The following SP140L variants were observed in gnomAD, a reference collection of about 807,000 sequenced individuals.
SP140L encodes the protein nuclear body protein SP140-like protein.
Under a neutral mutation model 84.3 loss-of-function variants are expected in SP140L, and 64 were observed. That is an observed-to-expected ratio of 0.76 (90% CI 0.62 to 0.94). SP140L has a LOEUF of 0.94. Ranked by LOEUF, SP140L falls within the 40% of genes least tolerant of loss-of-function variation. SP140L has a pLI of 0.00. For synonymous variants in SP140L, 242 were observed against 236.9 expected (o/e 1.02, Z -0.20); for missense variants, 628 against 692.5 (o/e 0.91, Z 1.05).
intron 2 of SP140L, among the ~76,000 whole-genome samples, chr2:230,348,812 T>A (rs956709844): frequency 6.6e-5 from 10 of 152,250 alleles, no homozygotes; most frequent in African/African-American, 2.4e-4. Context: ...AAGATTTTTG[T>A]CTTTATTTTC....
intron 5 of SP140L, among the ~76,000 whole-genome samples, chr2:230,367,374 C>G (rs561730141): frequency 7.7e-5 from 11 of 142,836 alleles, no homozygotes; most frequent in African/African-American, 2.6e-4. Context: ...CTCACTGTAG[C>G]CTTGATCTCC....
chr2:230,355,894 T>G (rs1474319020), intron 2 of SP140L, among the ~76,000 whole-genome samples: 1 of 152,096 alleles, frequency 6.6e-6, no homozygotes, highest in African/African-American at 2.4e-5. Flanking sequence ...AGCTACAGAC[T>G]GGGTGAAAAT....
intron 12 of SP140L, among the ~76,000 whole-genome samples, chr2:230,392,814 G>A (rs1484563180): frequency 6.6e-6 from 1 of 152,158 alleles, no homozygotes; most frequent in Non-Finnish European, 1.5e-5. Context: ...TGCCTTCACT[G>A]TCTCCCCTGC....
rs551226693 is a variant in SP140L, at chr2:230,332,777, T to G, written c.107+3946T>G. On this transcript the variant is annotated intron_variant, in intron 2 of 18. Transcript: ENST00000415673. Reference sequence around the variant, plus strand: ...AGGACAGTGAGGCACATTGTGTAACTTATCAATTCCGTTTTATTTTCTTGG... The same window carrying G: ...AGGACAGTGAGGCACATTGTGTAACGTATCAATTCCGTTTTATTTTCTTGG... 1.2e-4 allele frequency among the ~76,000 whole-genome samples: 18 copies of G among 152,348 alleles called. No individual in the cohort carries two copies. The South Asian group carries it at 3.5e-3, about 30-fold the overall frequency.
intron 12 of SP140L, 55 bp downstream of exon 12, chr2:230,392,284 T>C: frequency 6.3e-7 from 1 of 1,596,880 alleles, no homozygotes; most frequent in Admixed American, 1.7e-5. Context: ...TCCCTAATAA[T>C]GAGGAGACTG....
Position 230,367,871 on chromosome 2 carries a change from G to A in SP140L, c.524-3037G>A, listed in dbSNP as rs1223200422. Among the ~76,000 whole-genome samples, 3 of 152,232 alleles carry A rather than the reference G, an allele frequency of 2.0e-5. No homozygotes were observed. The South Asian group carries it at 6.2e-4, about 31-fold the overall frequency. ...CGCTTGAACCAGGGAGCTGGAGGTT[G>A]CTGTGAGCTGAGATCACACCACTGC... On this transcript the variant is annotated intron_variant, in intron 5 of 18. Coordinates refer to ENST00000415673, the MANE Select transcript of SP140L (RefSeq NM_138402.6).
chr2:230,372,268 G>A (rs912280043), intron 7 of SP140L: 1 of 152,972 alleles, frequency 6.5e-6, no homozygotes, highest in African/African-American at 2.4e-5. Context: ...ACTTGGCAGT[G>A]GGGTGTGGCT....
intron 8 of SP140L, among the ~76,000 whole-genome samples, chr2:230,383,926 T>A (rs73112318): frequency 6.6e-4 from 100 of 152,198 alleles, no homozygotes; most frequent in Admixed American, 6.5e-3. Context: ...AACTGTAAAA[T>A]ATATATATAC....
chr2:230,331,054 A>C (rs916817806), intron 2 of SP140L, among the ~76,000 whole-genome samples: 1 of 152,172 alleles, frequency 6.6e-6, no homozygotes, highest in African/African-American at 2.4e-5. Context: ...CCCAAAGCAC[A>C]TGAGGATTGA....
At chr2:230,349,216 A>T (rs1001935223) in intron 2 of SP140L, among the ~76,000 whole-genome samples, 1 of 152,134 alleles carries the variant, frequency 6.6e-6, no homozygotes, top group Non-Finnish European at 1.5e-5. Flanking sequence ...CTGCACTCTC[A>T]TCTCTGTTTC....
rs771838675 is a variant in SP140L at position 230,357,921 on chromosome 2, T to C, written c.224T>C (p.Leu75Pro). 6.2e-7 allele frequency: 1 copy of C among 1,614,030 alleles called. No individual in the cohort carries two copies. The highest frequency in any genetic ancestry group is 1.1e-5 in the South Asian group (1 of 91,074). The change falls in exon 3 of 19, where the codon CTT becomes CCT. Residue 75 changes from leucine (L) to proline (P), a missense_variant. This residue lies in a region of SP140L where 525 missense variants were observed against 518.4 expected (regional missense o/e 1.01). Coordinates refer to ENST00000415673, the MANE Select transcript of SP140L (RefSeq NM_138402.6). ...SNAIKKTFPF[L>P]EGLRDRELIT... is the part of the protein sequence containing the mutation. ...GCAATAAAAAAGACATTTCCATTCCTTGAGGGCCTCCGCGATCGGGAACTC... is the reference window on the plus strand; with the variant it reads ...GCAATAAAAAAGACATTTCCATTCCCTGAGGGCCTCCGCGATCGGGAACTC...
chr2:230,328,918 A>C, intron 2 of SP140L, 87 bp downstream of exon 2: 1 of 1,471,712 alleles, frequency 6.8e-7, no homozygotes, highest in Non-Finnish European at 9.0e-7. Context: ...TGGCCACTGA[A>C]ATTTCCTCTT....
At chr2:230,385,344 G>A (rs1165002717) in intron 9 of SP140L, 40 bp downstream of exon 9, 1 of 1,589,038 alleles carries the variant, frequency 6.3e-7, no homozygotes, top group African/African-American at 1.3e-5. Context: ...TGCCCTGCAG[G>A]TCAATGCACA....
intron 7 of SP140L, among the ~76,000 whole-genome samples, chr2:230,374,920 C>T (rs1222826599): frequency 2.6e-5 from 4 of 152,188 alleles, no homozygotes; most frequent in Non-Finnish European, 5.9e-5. Flanking sequence ...GCAATATTCA[C>T]TTCATTGCAG....
intron 2 of SP140L, among the ~76,000 whole-genome samples, chr2:230,344,390 G>C (rs113533594): frequency 0.011 from 1,739 of 152,152 alleles, 51 homozygotes; most frequent in African/African-American, 0.04. Context: ...TCCATCCCTT[G>C]GTTTTGAGCC....
chr2:230,400,556 C>T (rs2062279770), intron 15 of SP140L: 2 of 469,310 alleles, frequency 4.3e-6, no homozygotes, highest in Admixed American at 3.4e-5. Flanking sequence ...GGAAAAAAAA[C>T]ACCAGTTGTT....
chr2:230,368,110 T>G (rs560538762), intron 5 of SP140L, among the ~76,000 whole-genome samples: 1 of 152,358 alleles, frequency 6.6e-6, no homozygotes, highest in East Asian at 1.9e-4. Flanking sequence ...AGTTAGCATC[T>G]TCTTCTTTCA....
chr2:230,339,937 A>C (rs551274928), intron 2 of SP140L, among the ~76,000 whole-genome samples: 1,716 of 150,334 alleles, frequency 0.011, 30 homozygotes, highest in African/African-American at 0.04. Flanking sequence ...ATTTTGGAAT[A>C]GGTGTGGTGC....
chr2:230,334,461 G>T (rs2059810385), intron 2 of SP140L, among the ~76,000 whole-genome samples: 1 of 152,154 alleles, frequency 6.6e-6, no homozygotes, highest in Non-Finnish European at 1.5e-5. Context: ...ATGCAGATGT[G>T]TTCAACCCGC....
Sources: gnomAD v4.1 joint callset for allele counts (sites outside exome capture counted in the v4.1 genomes callset) on GRCh38, gnomAD v4.1.1 for gene constraint, gnomAD v4.1.1 regional missense constraint, MANE v1.5 for transcripts, NCBI Gene and HGNC (gene_info 2026-07-23, HGNC 2026-07-21) for gene names.